Variants in PXDNL observed in about 807,000 individuals in gnomAD.
PXDNL encodes the protein peroxidasin like.
Under a neutral mutation model 150.8 loss-of-function variants are expected in PXDNL, and 145 were observed. The ratio of observed to expected loss-of-function variants is 0.96; its 90% CI spans 0.84 to 1.10. The LOEUF (loss-of-function observed/expected upper bound fraction) is 1.10. Among genes scored for constraint, PXDNL ranks in the 50% least tolerant of loss-of-function variants. PXDNL has a pLI of 0.00. For synonymous variants in PXDNL, 757 were observed against 725.7 expected, an observed-to-expected ratio of 1.04 and a Z score of -0.69; for missense variants, 2,087 against 1,873.9, an observed-to-expected ratio of 1.11 and a Z score of -2.10.
intron 2 of PXDNL, among the ~76,000 whole-genome samples, chr8:51,611,154 G>A (rs1426929892): frequency 6.6e-6 from 1 of 151,956 alleles, no homozygotes; most frequent in Non-Finnish European, 1.5e-5. Flanking sequence ...GGCTTTATTT[G>A]TATATCCAAG....
chr8:51,475,014 C>T lies in PXDNL; in HGVS notation c.652G>A (p.Gly218Arg), dbSNP rs1397151618. Residue 218 changes from glycine to arginine, a missense_variant, in exon 7 of 23, where the codon GGG becomes AGG. By Grantham distance (125) the Gly-to-Arg change is moderately radical. Coordinates refer to ENST00000356297, the MANE Select transcript of PXDNL (RefSeq NM_144651.5). ...ATCEYPRRLH[G>R]RAVASVTVEE... ...ACTGTTACTGAAGCAACTGCACGCCCATGGAGTCTCCTGGGATATTCGCAG... is the reference window on the plus strand; with the variant it reads ...ACTGTTACTGAAGCAACTGCACGCCTATGGAGTCTCCTGGGATATTCGCAG... 6.2e-7 allele frequency: 1 copy of T among 1,610,506 alleles called. No individual in the cohort carries two copies. Among genetic ancestry groups the T allele is most frequent in the Admixed American group, 1.7e-5 (1 of 59,446 alleles).
intron 1 of PXDNL, among the ~76,000 whole-genome samples, chr8:51,705,140 C>G (rs374140721): frequency 1.2e-4 from 19 of 152,286 alleles, no homozygotes; most frequent in African/African-American, 4.3e-4. Context: ...TTGACTGAAG[C>G]TTTGATTCTC....
At chr8:51,665,334 A>G (rs1815362247) in intron 1 of PXDNL, among the ~76,000 whole-genome samples, 1 of 152,222 alleles carries the variant, frequency 6.6e-6, no homozygotes, top group Non-Finnish European at 1.5e-5. Flanking sequence ...TCATTATAAA[A>G]TAAGCATAAT....
In PXDNL at chr8:51,538,152, C is replaced by G. The variant is rs139632060; in HGVS notation, c.380+18688G>C. On this transcript the variant is annotated intron_variant, in intron 4 of 22. Transcript: ENST00000356297. ...CAAAACTGCTCTCCAGCCCTCGTAT[C>G]CCTGAGGTTCTGTGAAAGAGACACC... Among the ~76,000 whole-genome samples, 24 of 152,280 alleles carry G rather than the reference C, an allele frequency of 1.6e-4. No individual in the cohort carries two copies. In the East Asian group the frequency reaches 4.6e-3, roughly 29 times the overall value.
At chr8:51,470,254 T>C (rs764330518) in intron 8 of PXDNL, among the ~76,000 whole-genome samples, 1 of 152,130 alleles carries the variant, frequency 6.6e-6, no homozygotes, top group Non-Finnish European at 1.5e-5. Context: ...CCAGATTTAA[T>C]AGTATTCATA....
At chr8:51,707,174 G>A (rs547716139) in intron 1 of PXDNL, among the ~76,000 whole-genome samples, 1 of 152,194 alleles carries the variant, frequency 6.6e-6, no homozygotes, top group Non-Finnish European at 1.5e-5. Flanking sequence ...GGTTTGTTTT[G>A]CTCGCTCTCT....
At chr8:51,634,493 T>C (rs1032973658) in intron 2 of PXDNL, among the ~76,000 whole-genome samples, 1 of 152,174 alleles carries the variant, frequency 6.6e-6, no homozygotes, top group Non-Finnish European at 1.5e-5. Context: ...AATTTTAGAA[T>C]AGTTTTTTAC....
Position 51,408,671 on chromosome 8 carries a change from G to A in PXDNL, c.2953C>T (p.Leu985=). The A allele has an allele frequency of 1.9e-6, 3 of 1,602,196 alleles. No homozygotes were observed. Among genetic ancestry groups the A allele is most frequent in the Non-Finnish European group, 2.6e-6 (3 of 1,174,258 alleles). The change falls in exon 17 of 23, where the codon CTG becomes TTG. Residue 985 remains leucine, a synonymous_variant. Transcript: ENST00000356297. ...FREHNRMATE[L]SALNPHWEGN... The stretch of plus-strand genomic sequence containing the variant: ...TCCCAGTGGGGGTTCAGGGCGGACA[G>A]CTCCGTGGCCATCCTGTTGTGTTCC...
intron 3 of PXDNL, among the ~76,000 whole-genome samples, chr8:51,587,986 C>A (rs1170266677): frequency 6.6e-6 from 1 of 151,912 alleles, no homozygotes; most frequent in Non-Finnish European, 1.5e-5. Flanking sequence ...GTGGTATATG[C>A]AATAAATGAA....
chr8:51,556,204 G>A (rs951102417), intron 4 of PXDNL, among the ~76,000 whole-genome samples: 6 of 152,020 alleles, frequency 3.9e-5, no homozygotes, highest in African/African-American at 9.7e-5. Flanking sequence ...CCCAGGAGGC[G>A]AATGAGCTGT....
intron 1 of PXDNL, among the ~76,000 whole-genome samples, chr8:51,769,013 A>C (rs1416419029): frequency 1.3e-5 from 2 of 152,284 alleles, no homozygotes; most frequent in East Asian, 3.9e-4. Flanking sequence ...GAGGCAGGAG[A>C]ATGGCGTGAA....
chr8:51,361,144 G>A (rs931520721), intron 19 of PXDNL, among the ~76,000 whole-genome samples: 1 of 152,150 alleles, frequency 6.6e-6, no homozygotes. Flanking sequence ...CCACGGATTT[G>A]TTTTTAGCTC....
chr8:51,416,135 A>G (rs1366104544), intron 14 of PXDNL, among the ~76,000 whole-genome samples: 1 of 152,214 alleles, frequency 6.6e-6, no homozygotes, highest in Non-Finnish European at 1.5e-5. Flanking sequence ...AGCATTAATT[A>G]CATGCTTCTG....
At chr8:51,542,303 T>C (rs1376255017) in intron 4 of PXDNL, among the ~76,000 whole-genome samples, 1 of 152,166 alleles carries the variant, frequency 6.6e-6, no homozygotes, top group East Asian at 1.9e-4. Context: ...AATCCTACTT[T>C]ATAATTTTGT....
intron 3 of PXDNL, among the ~76,000 whole-genome samples, chr8:51,589,837 T>A (rs945522470): frequency 6.6e-6 from 1 of 152,096 alleles, no homozygotes; most frequent in African/African-American, 2.4e-5. Flanking sequence ...GCTGGCCATG[T>A]AAAGAGTAAA....
intron 1 of PXDNL, among the ~76,000 whole-genome samples, chr8:51,747,064 T>A (rs2036991574): frequency 6.6e-6 from 1 of 152,192 alleles, no homozygotes; most frequent in Non-Finnish European, 1.5e-5. Flanking sequence ...CAAAAATTTT[T>A]AAGAAAAACA....
chr8:51,765,326 C>T (rs1276712245), intron 1 of PXDNL, among the ~76,000 whole-genome samples: 2 of 152,154 alleles, frequency 1.3e-5, no homozygotes, highest in Non-Finnish European at 2.9e-5. Context: ...GCTTGGATCT[C>T]ATTCTCTTTG....
intron 19 of PXDNL, among the ~76,000 whole-genome samples, chr8:51,360,578 TAC>T (rs1424192179): frequency 6.6e-6 from 1 of 152,256 alleles, no homozygotes; most frequent in African/African-American, 2.4e-5. Flanking sequence ...CACAGTTATA[TAC>T]ACACATACAT....
At chr8:51,684,380 C>A (rs1815825560) in intron 1 of PXDNL, among the ~76,000 whole-genome samples, 1 of 152,166 alleles carries the variant, frequency 6.6e-6, no homozygotes, top group Non-Finnish European at 1.5e-5. Flanking sequence ...TCCAGGATAG[C>A]CCCCAAGATT....
Sources: gnomAD v4.1 joint callset for allele counts (sites outside exome capture counted in the v4.1 genomes callset) on GRCh38, gnomAD v4.1.1 for gene constraint, MANE v1.5 for transcripts, NCBI Gene and HGNC (gene_info 2026-07-23, HGNC 2026-07-21) for gene names.